Variants in NRG3 observed in about 807,000 individuals in gnomAD.
NRG3 encodes pro-neuregulin-3, membrane-bound isoform.
NRG3 carries 31 observed loss-of-function variants against 66.9 expected under a neutral mutation model. That is an observed-to-expected ratio of 0.46 (90% CI 0.35 to 0.63). The LOEUF is 0.63. Among genes scored for constraint, NRG3 ranks in the 20% least tolerant of loss-of-function variants. The probability of loss-of-function intolerance (pLI) is 0.00; values close to 1 mark genes in which losing one functional copy is unlikely to be tolerated. For synonymous variants in NRG3, 393 were observed against 359.4 expected (o/e 1.09, Z -1.06); for missense variants, 910 against 878.9 (o/e 1.04, Z -0.45).
intron 3 of NRG3, among the ~76,000 whole-genome samples, chr10:82,863,063 A>G (rs1278698302): frequency 1.3e-5 from 2 of 151,890 alleles, no homozygotes; most frequent in African/African-American, 4.8e-5. Context: ...CCCTGTGTTC[A>G]TGTGTTCTCA....
At chr10:82,374,747 G>C (rs1328959980) in intron 2 of NRG3, among the ~76,000 whole-genome samples, 1 of 152,072 alleles carries the variant, frequency 6.6e-6, no homozygotes, top group South Asian at 2.1e-4. Flanking sequence ...GCTCACAATA[G>C]GACCCTTATT....
chr10:82,970,225 A>G (rs1851599808), intron 6 of NRG3, among the ~76,000 whole-genome samples: 1 of 152,212 alleles, frequency 6.6e-6, no homozygotes, highest in African/African-American at 2.4e-5. Context: ...ACATATTGTC[A>G]ATTTGCTCTT....
chr10:82,921,193 C>G (rs1053577870), intron 4 of NRG3, among the ~76,000 whole-genome samples: 3 of 152,108 alleles, frequency 2.0e-5, no homozygotes, highest in African/African-American at 7.2e-5. Flanking sequence ...GGTTTTCTCT[C>G]AGAAATAAAT....
chr10:82,635,845 T>C (rs1256840098), intron 2 of NRG3, among the ~76,000 whole-genome samples: 1 of 152,142 alleles, frequency 6.6e-6, no homozygotes, highest in Non-Finnish European at 1.5e-5. Context: ...TGCAGTGGAC[T>C]AGGCTTGGGC....
chr10:82,667,965 G>A (rs1329704393), intron 2 of NRG3, among the ~76,000 whole-genome samples: 1 of 152,142 alleles, frequency 6.6e-6, no homozygotes, highest in Non-Finnish European at 1.5e-5. Flanking sequence ...AAATATATCA[G>A]TGAAAATAAT....
At chr10:82,809,184 G>A (rs1055122609) in intron 3 of NRG3, among the ~76,000 whole-genome samples, 3 of 151,924 alleles carry the variant, frequency 2.0e-5, no homozygotes, top group South Asian at 4.2e-4. Context: ...TTTAGTACTC[G>A]CCATTTGCCA....
At chr10:82,872,367 A>G (rs12777769) in intron 4 of NRG3, among the ~76,000 whole-genome samples, 27,339 of 152,030 alleles carry the variant, frequency 0.18, 2,535 homozygotes, top group Middle Eastern at 0.27. Flanking sequence ...TTATTCTTGA[A>G]GAACACAGGG....
intron 2 of NRG3, among the ~76,000 whole-genome samples, chr10:82,671,341 C>G (rs1311928401): frequency 6.6e-6 from 1 of 152,144 alleles, no homozygotes; most frequent in African/African-American, 2.4e-5. Flanking sequence ...GATCGAAAAG[C>G]CCAGAGTATC....
At chr10:82,323,438 T>C (rs1218738669) in intron 1 of NRG3, among the ~76,000 whole-genome samples, 1 of 151,816 alleles carries the variant, frequency 6.6e-6, no homozygotes, top group Non-Finnish European at 1.5e-5. Context: ...ATATTGCATG[T>C]AAAATCTTCA....
intron 1 of NRG3, among the ~76,000 whole-genome samples, chr10:81,950,743 TTATTAAATTA>T (rs1301753306): frequency 6.6e-6 from 1 of 152,208 alleles, no homozygotes; most frequent in Non-Finnish European, 1.5e-5. Flanking sequence ...GGCAAAAGTG[TTATTAAATTA>T]TATTCTTTGC....
intron 4 of NRG3, among the ~76,000 whole-genome samples, chr10:82,889,263 T>A (rs1842958551): frequency 6.6e-6 from 1 of 152,098 alleles, no homozygotes; most frequent in African/African-American, 2.4e-5. Context: ...TCTGAATCTA[T>A]ACTGAGAGAG....
intron 1 of NRG3, among the ~76,000 whole-genome samples, chr10:82,316,360 C>T (rs542455720): frequency 6.7e-4 from 102 of 152,102 alleles, no homozygotes; most frequent in Admixed American, 2.6e-3. Flanking sequence ...TTGTTTTGTC[C>T]CCCAGTGAAT....
intron 2 of NRG3, among the ~76,000 whole-genome samples, chr10:82,407,672 T>C (rs2087626423): frequency 6.6e-6 from 1 of 152,186 alleles, no homozygotes; most frequent in Admixed American, 6.5e-5. Context: ...TTATGACTAC[T>C]GTATACTGAA....
At chr10:82,870,510 A>G (rs1841242686) in intron 4 of NRG3, among the ~76,000 whole-genome samples, 1 of 152,212 alleles carries the variant, frequency 6.6e-6, no homozygotes, top group South Asian at 2.1e-4. Flanking sequence ...AAACTGCCGA[A>G]CTGAATTCCA....
chr10:82,276,129 G>T lies in NRG3; in HGVS notation c.824-82610G>T, dbSNP rs115970382. ...ATTCATCAATAATTCATTTTCCAAA[G>T]TACATATCATGGCTAAATATTATTT... On this transcript the variant is annotated intron_variant, in intron 1 of 8. Coordinates refer to ENST00000372141, the MANE Select transcript of NRG3 (RefSeq NM_001010848.4). 6.9e-3 allele frequency among the ~76,000 whole-genome samples: 1,056 copies of T among 151,984 alleles called. 18 individuals are homozygous for T. Among genetic ancestry groups the T allele is most frequent in the African/African-American group, 0.025 (1,022 of 41,506 alleles).
intron 2 of NRG3, among the ~76,000 whole-genome samples, chr10:82,381,482 C>A (rs963663738): frequency 2.0e-5 from 3 of 152,086 alleles, no homozygotes; most frequent in Non-Finnish European, 2.9e-5. Context: ...TTAAGTAACT[C>A]GTCCAAGCGG....
intron 2 of NRG3, among the ~76,000 whole-genome samples, chr10:82,628,860 CAA>C (rs938955574): frequency 1.3e-5 from 2 of 152,218 alleles, no homozygotes; most frequent in South Asian, 4.1e-4. Context: ...GCAGGATAAA[CAA>C]GAGAAAGATC....
In NRG3 at chr10:81,964,458, A is replaced by T. The variant is rs569826915; in HGVS notation, c.823+88295A>T. Among the ~76,000 whole-genome samples the T allele has an allele frequency of 2.6e-5, 4 of 151,996 alleles. 1 individual carries two copies. The South Asian group carries it at 8.3e-4, about 32-fold the overall frequency. ...AATTACAAAAAAATTCAATAAAAAC[A>T]TCTGCAACAAATTCCATCTCATGAC... On this transcript the variant is annotated intron_variant, in intron 1 of 8. Transcript: ENST00000372141.
At chr10:82,199,105 G>A (rs2074622458) in intron 1 of NRG3, among the ~76,000 whole-genome samples, 1 of 149,940 alleles carries the variant, frequency 6.7e-6, no homozygotes, top group African/African-American at 2.5e-5. Context: ...GGAGGCAGAG[G>A]TTGCAGTGAG....
Sources: gnomAD v4.1 joint callset for allele counts (sites outside exome capture counted in the v4.1 genomes callset) on GRCh38, gnomAD v4.1.1 for gene constraint, MANE v1.5 for transcripts, NCBI Gene and HGNC (gene_info 2026-07-23, HGNC 2026-07-21) for gene names.